Variants in ATP6AP1 observed in about 807,000 individuals in gnomAD.
The protein encoded by ATP6AP1 is V-type proton ATPase subunit S1.
ATP6AP1 carries 1 observed loss-of-function variant against 32.0 expected under a neutral mutation model. The observed-to-expected ratio is 0.03, with a 90% CI of 0.01 to 0.15. ATP6AP1 has a LOEUF of 0.15. ATP6AP1 is among the 10% of genes least tolerant of loss of function. The pLI is 1.00. For synonymous variants in ATP6AP1, 187 were observed against 174.9 expected (o/e 1.07, Z -0.55); for missense variants, 297 against 398.8 (o/e 0.74, Z 2.17).
chrX:154,434,182 A>G lies in ATP6AP1; in HGVS notation c.685-26A>G, dbSNP rs1271691484. On this transcript the variant is annotated intron_variant, in intron 6 of 9. Transcript: ENST00000369762. Reference sequence around the variant, plus strand: ...GTGACACTCTCCCAGGGCTGCTGAAAGAAGGCTGGTTGGGTGTTTCTGCAG... The same window carrying G: ...GTGACACTCTCCCAGGGCTGCTGAAGGAAGGCTGGTTGGGTGTTTCTGCAG... 9.9e-5 allele frequency: 119 copies of G among 1,198,847 alleles called. 1 individual carries two copies. The highest frequency in any genetic ancestry group is 2.3e-4 in the Middle Eastern group (1 of 4,313).
chrX:154,433,066 C>A, intron 5 of ATP6AP1, 95 bp downstream of exon 5: 1 of 1,031,523 alleles, frequency 9.7e-7, no homozygotes. Flanking sequence ...TCCTCACTCC[C>A]AGGGTGGCCC....
intron 2 of ATP6AP1, chrX:154,429,753 A>G (rs1251662022): frequency 8.9e-6 from 1 of 112,262 alleles, no homozygotes; most frequent in Non-Finnish European, 1.9e-5. Flanking sequence ...CTCCCTCCCA[A>G]TTGGAGCTCA....
intron 2 of ATP6AP1, chrX:154,430,771 T>C (rs1459281245): frequency 9.0e-6 from 1 of 111,114 alleles, no homozygotes; most frequent in Non-Finnish European, 1.9e-5. Flanking sequence ...GCGATCTTAA[T>C]GGAGGGAGGG....
Position 154,431,855 on chromosome X carries a change from A to T in ATP6AP1, c.314A>T (p.Tyr105Phe). ...CTGAGCATTGAGGATTTCACAGCAT[A>T]TGGCGGTGTGTTTGGAAACAAGCAG... ...DKLSIEDFTA[Y>F]GGVFGNKQDS... The change falls in exon 3 of 10, where the codon TAT becomes TTT. Residue 105 changes from tyrosine to phenylalanine, a missense_variant. By Grantham distance (22) the Tyr-to-Phe change is conservative. Coordinates refer to ENST00000369762, the MANE Select transcript of ATP6AP1 (RefSeq NM_001183.6). 8.3e-7 allele frequency: 1 copy of T among 1,211,552 alleles called. No individual in the cohort carries two copies. Among genetic ancestry groups the T allele is most frequent in the Non-Finnish European group, 1.1e-6 (1 of 895,468 alleles).
At position 154,432,362 on chromosome X, in the gene ATP6AP1, G is replaced by T; in HGVS notation, c.460G>T (p.Ala154Ser). 1 of 1,211,793 alleles carries T rather than the reference G, an allele frequency of 8.3e-7. No individual in the cohort carries two copies. Among genetic ancestry groups the T allele is most frequent in the Non-Finnish European group, 1.1e-6 (1 of 895,433 alleles). The change falls in exon 4 of 10, where the codon GCC becomes TCC. Residue 154 changes from alanine (A) to serine (S), a missense_variant. Around this residue, in one of 2 missense-constraint regions of ATP6AP1, gnomAD observed 142 missense variants for 145.0 expected, o/e 0.98. Transcript: ENST00000369762. ...LTTYLQEKLG[A>S]SPLHVDLATL... ...CACTTACCTGCAGGAGAAGCTCGGGGCCAGCCCCTTGCATGTGGACCTGGC... is the reference window on the plus strand; with the variant it reads ...CACTTACCTGCAGGAGAAGCTCGGGTCCAGCCCCTTGCATGTGGACCTGGC...
At chrX:154,434,173 G>C (rs1557197270) in intron 6 of ATP6AP1, 35 bp from the exon 7 acceptor site, 3 of 1,183,330 alleles carry the variant, frequency 2.5e-6, no homozygotes, top group African/African-American at 3.5e-5. Context: ...CTCTCCCAGG[G>C]CTGCTGAAAG....
chrX:154,434,067 G>T, intron 6 of ATP6AP1, 141 bp from the exon 7 acceptor site: 1 of 614,022 alleles, frequency 1.6e-6, no homozygotes, highest in Non-Finnish European at 2.6e-6. Flanking sequence ...CTTCCTGGAG[G>T]AAAGGTCTCC....
chrX:154,429,489 G>A (rs2068682703), intron 2 of ATP6AP1: 1 of 218,257 alleles, frequency 4.6e-6, no homozygotes, highest in East Asian at 1.0e-4. Flanking sequence ...GTTTATAGAT[G>A]AGAAGACTGA....
chrX:154,432,396 G>T lies in ATP6AP1; in HGVS notation c.494G>T (p.Arg165Leu). 1 of 1,207,822 alleles carries T rather than the reference G, an allele frequency of 8.3e-7. No homozygotes were observed. ...TTGCATGTGGACCTGGCCACCCTGCGGGAGCTGAAGCTCAATGCCAGCCTC... is the reference window on the plus strand; with the variant it reads ...TTGCATGTGGACCTGGCCACCCTGCTGGAGCTGAAGCTCAATGCCAGCCTC... The part of the protein sequence containing the change: ...SPLHVDLATL[R>L]ELKLNASLPA... The change falls in exon 4 of 10, where the codon CGG (arginine) becomes CTG (leucine). Residue 165 changes from arginine (R) to leucine (L), a missense_variant. By Grantham distance (102) the Arg-to-Leu change is moderately radical (BLOSUM62 -2). Transcript: ENST00000369762.
chrX:154,432,604 CAGAAG>C, intron 4 of ATP6AP1, 145 bp downstream of exon 4: 1 of 880,027 alleles, frequency 1.1e-6, no homozygotes, highest in Non-Finnish European at 1.5e-6. Context: ...CCTGTGTGGC[CAGAAG>C]AGGAGGGGAG....
At position 154,432,892 on chromosome X, in the gene ATP6AP1, G is replaced by A. The variant is rs782074444; in HGVS notation, c.558-39G>A. Reference sequence around the variant, plus strand: ...AGGGTAGTGGGCAGTGCAGGTCCAGGCCGCCTGAGGACTCTGGCGCTCTGT... The same window carrying A: ...AGGGTAGTGGGCAGTGCAGGTCCAGACCGCCTGAGGACTCTGGCGCTCTGT... On this transcript the variant is annotated intron_variant, in intron 4 of 9. Coordinates refer to ENST00000369762, the MANE Select transcript of ATP6AP1 (RefSeq NM_001183.6). 5 of 1,206,034 alleles carry A rather than the reference G, an allele frequency of 4.1e-6. No homozygotes were observed. The African/African-American group carries it at 8.8e-5, about 21-fold the overall frequency.
rs2068713251 is a variant in ATP6AP1, at chrX:154,435,311, C to T, written c.1009C>T (p.Arg337Trp). Residue 337 changes from arginine to tryptophan, a missense_variant, in exon 9 of 10, where the codon CGG (arginine) becomes TGG (tryptophan). Physicochemically the swap from Arg to Trp is moderately radical, Grantham distance 101. Around this residue, in one of 2 missense-constraint regions of ATP6AP1, gnomAD observed 155 missense variants for 253.8 expected, o/e 0.61. Coordinates refer to ENST00000369762, the MANE Select transcript of ATP6AP1 (RefSeq NM_001183.6). ...CAACCGCCTCTACCCAGTGTCTGCC[C>T]GGCACTGGTTTACCATGGAGCGCCT... Reference protein sequence around the residue: ...LANRLYPVSARHWFTMERLEV... With the variant: ...LANRLYPVSAWHWFTMERLEV... The T allele has an allele frequency of 2.5e-6, 3 of 1,211,894 alleles. No individual in the cohort carries two copies. The highest frequency in any genetic ancestry group is 2.2e-5 in the Admixed American group (1 of 46,075).
chrX:154,432,814 G>A (rs1023843931), intron 4 of ATP6AP1, 117 bp from the exon 5 acceptor site: 4 of 884,662 alleles, frequency 4.5e-6, no homozygotes, highest in Non-Finnish European at 6.5e-6. Context: ...TGAGGTAAGA[G>A]TGTGCAGGCT....
In ATP6AP1 at chrX:154,435,159, G is replaced by A. The variant is rs891593072; in HGVS notation, c.944G>A (p.Arg315Gln). The A allele has an allele frequency of 9.1e-6, 11 of 1,209,809 alleles. No individual in the cohort carries two copies. Among genetic ancestry groups the A allele is most frequent in the Admixed American group, 2.2e-5 (1 of 45,897 alleles). The change falls in exon 8 of 10, where the codon CGA (arginine) becomes CAA (glutamine). Residue 315 changes from arginine (R) to glutamine (Q), a missense_variant. Around this residue, in one of 2 missense-constraint regions of ATP6AP1, gnomAD observed 155 missense variants for 253.8 expected, o/e 0.61. Transcript: ENST00000369762. ...SFARLSLTYE[R>Q]LFGTTVTFKF... ...CACAGGCTCTCACTGACCTATGAAC[G>A]ACTCTTTGGTACCACAGTGACATTC...
At position 154,428,793 on chromosome X, in the gene ATP6AP1, C is replaced by T. The variant is rs781904137; in HGVS notation, c.101C>T (p.Ala34Val). 1.8e-6 allele frequency: 2 copies of T among 1,119,042 alleles called. No individual in the cohort carries two copies. The highest frequency in any genetic ancestry group is 7.3e-5 in the East Asian group (2 of 27,569). The allele number at this position is 1,119,042 out of a possible 1,213,427, so 92.2% of individuals were successfully genotyped here. Residue 34 changes from alanine (A) to valine (V), a missense_variant, in exon 1 of 10, where the codon GCG (alanine) becomes GTG (valine). Physicochemically the swap from Ala to Val is moderately conservative, Grantham distance 64. Around this residue, in one of 2 missense-constraint regions of ATP6AP1, gnomAD observed 142 missense variants for 145.0 expected, o/e 0.98. Transcript: ENST00000369762. ...CTGCCGGTGTTTTTGTCGTTGGCGGCGGCGGCGGCGGCGGCAGCGGCGGAG... is the reference window on the plus strand; with the variant it reads ...CTGCCGGTGTTTTTGTCGTTGGCGGTGGCGGCGGCGGCGGCAGCGGCGGAG... ...PWLPVFLSLA[A>V]AAAAAAAEQQ...
At chrX:154,433,560 A>G (rs2068704810) in intron 5 of ATP6AP1, 75 bp from the exon 6 acceptor site, 1 of 1,026,316 alleles carries the variant, frequency 9.7e-7, no homozygotes, top group Admixed American at 2.2e-5. Flanking sequence ...AGGTTTCTAA[A>G]GCAGACAGTG....
intron 5 of ATP6AP1, 35 bp downstream of exon 5, chrX:154,433,006 T>C (rs782021095): frequency 8.3e-7 from 1 of 1,203,042 alleles, no homozygotes; most frequent in South Asian, 1.8e-5. Context: ...CGTCCTCATC[T>C]AGCCCTTGGG....
In ATP6AP1 at chrX:154,429,186, C is replaced by T. The variant is rs1557196381; in HGVS notation, c.288+12C>T. On this transcript the variant is annotated intron_variant, in intron 2 of 9. Transcript: ENST00000369762. Reference sequence around the variant, plus strand: ...TCCTGCAGGACAAGGTGCGCCCGCCCCAGCCCACTCTCCCCCGGTCATCGG... The same window carrying T: ...TCCTGCAGGACAAGGTGCGCCCGCCTCAGCCCACTCTCCCCCGGTCATCGG... 8.3e-7 allele frequency: 1 copy of T among 1,209,852 alleles called. No individual in the cohort carries two copies. Among genetic ancestry groups the T allele is most frequent in the Admixed American group, 2.2e-5 (1 of 45,910 alleles).
intron 7 of ATP6AP1, 41 bp from the exon 8 acceptor site, chrX:154,435,098 T>G (rs2068711995): frequency 8.4e-7 from 1 of 1,191,076 alleles, no homozygotes. Flanking sequence ...CCAAAGGCCC[T>G]CCCAGAGCCT....
Sources: gnomAD v4.1 joint callset for allele counts on GRCh38, gnomAD v4.1.1 for gene constraint, gnomAD v4.1.1 regional missense constraint, MANE v1.5 for transcripts, NCBI Gene and HGNC (gene_info 2026-07-23, HGNC 2026-07-21) for gene names.